GPHN: variants seen among roughly 807,000 people sequenced by gnomAD.
GPHN encodes the protein gephyrin.
In GPHN, 17 loss-of-function variants were observed where a neutral mutation model predicts 95.5. That is an observed-to-expected ratio of 0.18 (90% CI 0.12 to 0.27). The LOEUF is 0.27. Ranked by LOEUF, GPHN falls within the 10% of genes least tolerant of loss-of-function variation. The pLI is 1.00. For synonymous variants in GPHN, 320 were observed against 322.5 expected, an observed-to-expected ratio of 0.99 and a Z score of 0.08; for missense variants, 660 against 978.1, an observed-to-expected ratio of 0.67 and a Z score of 4.34.
chr14:67,151,746 C>G (rs1265300388), intron 18 of GPHN, among the ~76,000 whole-genome samples: 1 of 152,150 alleles, frequency 6.6e-6, no homozygotes, highest in Admixed American at 6.5e-5. Flanking sequence ...CGGGTTCAAG[C>G]AATTCTTATG....
intron 8 of GPHN, among the ~76,000 whole-genome samples, chr14:66,964,116 A>G (rs956455650): frequency 4.6e-5 from 7 of 152,180 alleles, no homozygotes; most frequent in African/African-American, 1.4e-4. Flanking sequence ...TTTATAATCA[A>G]CATATATTAA....
chr14:67,281,439 G>A, the GPHN span, among the ~76,000 whole-genome samples: 2 of 151,692 alleles, frequency 1.3e-5, no homozygotes, highest in Admixed American at 1.3e-4. Context: ...TTTTCCTGAG[G>A]GTTTTATTAG....
At chr14:67,241,307 G>T in the GPHN span, 1 of 152,804 alleles carries the variant, frequency 6.5e-6, no homozygotes, top group Non-Finnish European at 1.5e-5. Flanking sequence ...GGCCGCAGGG[G>T]CCGGTCTCGC....
At chr14:66,699,946 T>C (rs921645665) in intron 2 of GPHN, among the ~76,000 whole-genome samples, 5 of 152,226 alleles carry the variant, frequency 3.3e-5, no homozygotes, top group African/African-American at 9.6e-5. Flanking sequence ...AGAACCTTTA[T>C]GTTTTCTTAT....
chr14:67,523,190 G>T, the GPHN span, among the ~76,000 whole-genome samples: 2 of 152,104 alleles, frequency 1.3e-5, no homozygotes, highest in African/African-American at 4.8e-5. Context: ...GGGTGTGGTG[G>T]CAGAAGCCTG....
Position 67,144,240 on chromosome 14 carries a change from AAAAAAAAAAAATATATATATATATATAT to A in GPHN, c.1836+793_1836+820del, listed in dbSNP as rs1197565267. ...CAACACAGCAAGACCCTGTCTTAAA[AAAAAAAAAAAATATATATATATATATAT>A]ATATATATATATATATATACACACA... On this transcript the variant is annotated intron_variant, in intron 18 of 22. Transcript: ENST00000478722. Among the ~76,000 whole-genome samples, 160 of 54,524 alleles carry A rather than the reference AAAAAAAAAAAATATATATATATATATAT, an allele frequency of 2.9e-3. 31 individuals carry two copies. The highest frequency in any genetic ancestry group is 0.019 in the African/African-American group (145 of 7,708). 35.8% of individuals were successfully genotyped at this position (54,524 alleles called of 152,430 possible).
chr14:67,070,426 G>C (rs1011777382), intron 11 of GPHN, among the ~76,000 whole-genome samples: 1 of 149,200 alleles, frequency 6.7e-6, no homozygotes, highest in Non-Finnish European at 1.5e-5. Context: ...GGCCGGGCGC[G>C]GTGGCTCACG....
downstream of GPHN, among the ~76,000 whole-genome samples, chr14:67,185,358 A>C (rs1595525818): frequency 1.3e-5 from 2 of 152,332 alleles, no homozygotes; most frequent in Admixed American, 1.3e-4. Context: ...TGAGTTAGAA[A>C]AGGGAGAAGA....
At chr14:67,360,057 T>G in the GPHN span, 4 of 431,624 alleles carry the variant, frequency 9.3e-6, no homozygotes, top group Non-Finnish European at 1.6e-5. Context: ...GCCTTGTCTT[T>G]CTCCACCTTT....
At chr14:67,141,942 T>C (rs1308559324) in intron 17 of GPHN, among the ~76,000 whole-genome samples, 2 of 152,378 alleles carry the variant, frequency 1.3e-5, no homozygotes, top group East Asian at 3.9e-4. Context: ...ACATATGCTG[T>C]CTCGTTGAGA....
the GPHN span, chr14:67,729,491 G>A: frequency 2.5e-4 from 272 of 1,094,810 alleles, 1 homozygote; most frequent in African/African-American, 3.3e-3. Flanking sequence ...TGCAATCCAG[G>A]TTTGGGTTGG....
intron 8 of GPHN, among the ~76,000 whole-genome samples, chr14:66,924,957 C>G (rs1250136727): frequency 5.9e-5 from 9 of 151,706 alleles, no homozygotes; most frequent in African/African-American, 1.9e-4. Context: ...AAAAAACGAT[C>G]TAAGTCCCTA....
the GPHN span, among the ~76,000 whole-genome samples, chr14:67,355,219 T>C: frequency 6.6e-6 from 1 of 151,966 alleles, no homozygotes; most frequent in African/African-American, 2.4e-5. Context: ...TTTATTAATT[T>C]GTAAAAGACT....
chr14:67,513,235 C>T, the GPHN span, among the ~76,000 whole-genome samples: 3 of 152,128 alleles, frequency 2.0e-5, no homozygotes, highest in Non-Finnish European at 4.4e-5. Flanking sequence ...TCCTCAGCTC[C>T]GAATAAATAG....
At chr14:67,072,075 T>C (rs913862596) in intron 11 of GPHN, among the ~76,000 whole-genome samples, 1 of 152,160 alleles carries the variant, frequency 6.6e-6, no homozygotes, top group African/African-American at 2.4e-5. Context: ...ACATGTCTTA[T>C]TTGCTGTAGT....
intron 2 of GPHN, among the ~76,000 whole-genome samples, chr14:66,770,390 C>T (rs1427989053): frequency 6.6e-6 from 1 of 152,064 alleles, no homozygotes; most frequent in Non-Finnish European, 1.5e-5. Context: ...ATCTTTGTCA[C>T]TAACTCTGCT....
At chr14:67,692,633 T>C in the GPHN span, 6 of 1,513,812 alleles carry the variant, frequency 4.0e-6, no homozygotes, top group Non-Finnish European at 4.4e-6. Context: ...TCAGCTCTGT[T>C]TTTGAGCTGG....
chr14:67,691,220 A>G, the GPHN span: 1 of 1,613,906 alleles, frequency 6.2e-7, no homozygotes, highest in Non-Finnish European at 8.5e-7. Flanking sequence ...TGCATTGTTG[A>G]TCAAAACGTG....
chr14:67,142,533 C>T (rs964002386), intron 17 of GPHN, among the ~76,000 whole-genome samples: 8 of 152,156 alleles, frequency 5.3e-5, no homozygotes, highest in African/African-American at 1.4e-4. Flanking sequence ...CAGTCAGGAA[C>T]CTGCCTAGCT....
Sources: gnomAD v4.1 joint callset for allele counts (sites outside exome capture counted in the v4.1 genomes callset) on GRCh38, gnomAD v4.1.1 for gene constraint, MANE v1.5 for transcripts, NCBI Gene and HGNC (gene_info 2026-07-23, HGNC 2026-07-21) for gene names.